The following MTCL1 variants were observed in gnomAD, a reference collection of about 807,000 sequenced individuals.
MTCL1 encodes the protein microtubule cross-linking factor 1.
MTCL1 carries 79 observed loss-of-function variants against 141.4 expected under a neutral mutation model. The ratio of observed to expected loss-of-function variants is 0.56; its 90% CI spans 0.47 to 0.67. The LOEUF (loss-of-function observed/expected upper bound fraction) is 0.67. Among genes scored for constraint, MTCL1 ranks in the 30% least tolerant of loss-of-function variants. The pLI is 0.00. For synonymous variants in MTCL1, 914 were observed against 875.8 expected, an observed-to-expected ratio of 1.04 and a Z score of -0.77; for missense variants, 2,177 against 2,113.9, an observed-to-expected ratio of 1.03 and a Z score of -0.59.
chr18:8,740,365 A>T (rs548419127), intron 4 of MTCL1, among the ~76,000 whole-genome samples: 1 of 152,000 alleles, frequency 6.6e-6, no homozygotes, highest in South Asian at 2.1e-4. Context: ...ATGGCCAAAC[A>T]TCAGTTTTAT....
At chr18:8,727,563 C>T (rs775615875) in intron 4 of MTCL1, among the ~76,000 whole-genome samples, 3 of 152,126 alleles carry the variant, frequency 2.0e-5, no homozygotes, top group Admixed American at 1.3e-4. Context: ...AGCATTTCTT[C>T]ATGTTTCTTG....
chr18:8,719,400 A>G (rs1039681513), intron 3 of MTCL1, among the ~76,000 whole-genome samples: 2 of 152,222 alleles, frequency 1.3e-5, no homozygotes, highest in Non-Finnish European at 2.9e-5. Flanking sequence ...ATTCAGTGTG[A>G]TAAAGGGTGA....
chr18:8,811,647 C>T (rs1221599742), intron 11 of MTCL1, among the ~76,000 whole-genome samples: 3 of 152,062 alleles, frequency 2.0e-5, no homozygotes, highest in Non-Finnish European at 4.4e-5. Flanking sequence ...GTTAATTGAA[C>T]TCTACATAGG....
chr18:8,706,381 AG>A lies in MTCL1; in HGVS notation c.722del (p.Ser241ThrfsTer114). On this transcript the variant is annotated frameshift_variant, in exon 1 of 14. Coordinates refer to the MTCL1 transcript ENST00000306329. LOFTEE classifies it high-confidence loss of function. ...CGACGCCGAATCCGGCACGGGCTCCAGCGACCGTGAACCCCCACGAGGAGCG... is the reference window on the plus strand; with the variant it reads ...CGACGCCGAATCCGGCACGGGCTCCACGACCGTGAACCCCCACGAGGAGCG... 8.1e-7 allele frequency: 1 copy of A among 1,229,674 alleles called. No homozygotes were observed. Among genetic ancestry groups the A allele is most frequent in the Non-Finnish European group, 1.0e-6 (1 of 985,892 alleles). 76.2% of individuals were successfully genotyped at this position (1,229,674 alleles called of 1,614,324 possible).
chr18:8,817,252 C>CTTTTTTTTT (rs35022661), intron 12 of MTCL1, among the ~76,000 whole-genome samples: 2 of 118,260 alleles, frequency 1.7e-5, no homozygotes, highest in African/African-American at 3.2e-5. Context: ...AAAGCCTTCC[C>CTTTTTTTTT]TTTTTTTTTT....
At chr18:8,793,214 G>A (rs942145717) in intron 8 of MTCL1, 94 bp downstream of exon 7, 1 of 1,544,574 alleles carries the variant, frequency 6.5e-7, no homozygotes, top group Non-Finnish European at 8.8e-7. Flanking sequence ...AAGGCTGTCT[G>A]TTGCGTACAG....
upstream of MTCL1, among the ~76,000 whole-genome samples, chr18:8,714,046 G>A (rs974594975): frequency 2.6e-5 from 4 of 152,222 alleles, no homozygotes; most frequent in Non-Finnish European, 4.4e-5. Flanking sequence ...GTCACTTGTC[G>A]AGCTGTAAAT....
At chr18:8,711,800 A>G (rs974120794) in intron 1 of MTCL1, among the ~76,000 whole-genome samples, 2 of 152,018 alleles carry the variant, frequency 1.3e-5, no homozygotes, top group African/African-American at 4.8e-5. Context: ...GCCCTTTGTC[A>G]GATGAGTAGG....
chr18:8,819,404 C>T (rs2076767812), intron 13 of MTCL1, 145 bp downstream of exon 12: 2 of 789,654 alleles, frequency 2.5e-6, no homozygotes, highest in Admixed American at 5.8e-5. Context: ...AAAATGAAAT[C>T]TTCACAACAC....
chr18:8,710,195 G>A (rs2096079406), intron 1 of MTCL1, among the ~76,000 whole-genome samples: 1 of 152,194 alleles, frequency 6.6e-6, no homozygotes, highest in Admixed American at 6.5e-5. Context: ...ACCTTGTGTT[G>A]TGCTGTAACA....
At chr18:8,789,739 A>G in intron 7 of MTCL1, 1 of 984,152 alleles carries the variant, frequency 1.0e-6, no homozygotes, top group Non-Finnish European at 1.2e-6. Flanking sequence ...GAACAAAAAA[A>G]GGGTTTTTTT....
At chr18:8,746,489 A>T (rs1414706721) in intron 4 of MTCL1, among the ~76,000 whole-genome samples, 1 of 152,246 alleles carries the variant, frequency 6.6e-6, no homozygotes, top group Admixed American at 6.5e-5. Context: ...GAGCATTGTC[A>T]TTCTTTGAAG....
At chr18:8,802,986 G>T (rs1160945669) in intron 10 of MTCL1, among the ~76,000 whole-genome samples, 1 of 152,054 alleles carries the variant, frequency 6.6e-6, no homozygotes, top group Non-Finnish European at 1.5e-5. Context: ...GACTTGATTT[G>T]GGTCATCTTT....
At chr18:8,726,024 C>T (rs960984138) in intron 4 of MTCL1, among the ~76,000 whole-genome samples, 5 of 151,880 alleles carry the variant, frequency 3.3e-5, no homozygotes, top group Admixed American at 2.0e-4. Flanking sequence ...ATCTCCAGAC[C>T]TCGTGATCTG....
chr18:8,818,605 T>A (rs1008924430), intron 12 of MTCL1, among the ~76,000 whole-genome samples: 8 of 152,244 alleles, frequency 5.3e-5, no homozygotes, highest in Middle Eastern at 3.2e-3. Flanking sequence ...AAAGAGAGTT[T>A]TAAACATGTT....
intron 11 of MTCL1, among the ~76,000 whole-genome samples, chr18:8,811,842 C>T (rs567990305): frequency 2.0e-5 from 3 of 152,254 alleles, no homozygotes; most frequent in East Asian, 3.9e-4. Context: ...TAAAATTGTG[C>T]ACTTAATGAA....
chr18:8,820,868 C>A (rs2076823056), intron 13 of MTCL1, among the ~76,000 whole-genome samples: 1 of 152,224 alleles, frequency 6.6e-6, no homozygotes, highest in South Asian at 2.1e-4. Context: ...GTTTTCTCAG[C>A]AGACAACCTC....
Position 8,705,882 on chromosome 18 carries a change from C to T in MTCL1, c.222C>T (p.Ala74=), listed in dbSNP as rs1360496851. 28 of 1,116,006 alleles carry T rather than the reference C, an allele frequency of 2.5e-5. No individual in the cohort carries two copies. Among genetic ancestry groups the T allele is most frequent in the Non-Finnish European group, 3.1e-5 (28 of 913,930 alleles). The allele number at this position is 1,116,006 out of a possible 1,614,324, so 69.1% of individuals were successfully genotyped here. Residue 74 remains alanine, a synonymous_variant, in exon 1 of 14, where the codon GCC becomes GCT. Transcript: ENST00000306329. The surrounding 1 kb of genome is among the most constrained non-coding windows in gnomAD (Gnocchi z 5.2). ...CGGGCCGAGCCCCGGCTCCCGCCGCCCCGCGCTCGCCCAACCTCGCGGGCA... is the reference window on the plus strand; with the variant it reads ...CGGGCCGAGCCCCGGCTCCCGCCGCTCCGCGCTCGCCCAACCTCGCGGGCA...
At chr18:8,794,851 C>T (rs910913934) in intron 8 of MTCL1, among the ~76,000 whole-genome samples, 1 of 152,166 alleles carries the variant, frequency 6.6e-6, no homozygotes, top group East Asian at 1.9e-4. Context: ...GATTAACTGC[C>T]TCTTTTATTG....
Sources: gnomAD v4.1 joint callset for allele counts (sites outside exome capture counted in the v4.1 genomes callset) on GRCh38, gnomAD v4.1.1 for gene constraint, Gnocchi (gnomAD v3.1) non-coding constraint, MANE v1.5 for transcripts, NCBI Gene and HGNC (gene_info 2026-07-23, HGNC 2026-07-21) for gene names.